The following SORCS3 variants were observed in gnomAD, a reference collection of about 807,000 sequenced individuals.
The protein encoded by SORCS3 is sortilin related VPS10 domain containing receptor 3.
A neutral mutation model predicts 146.3 loss-of-function variants in SORCS3; 57 were observed. That is an observed-to-expected ratio of 0.39 (90% CI 0.31 to 0.49). The LOEUF (loss-of-function observed/expected upper bound fraction) is 0.49. SORCS3 is among the 20% of genes least tolerant of loss of function. The pLI is 0.92. For missense variants in SORCS3, 1,341 were observed against 1,575.5 expected (o/e 0.85, Z 2.52); for synonymous variants, 653 against 618.5 (o/e 1.06, Z -0.83).
At chr10:104,822,297 A>C (rs182303299) in intron 1 of SORCS3, among the ~76,000 whole-genome samples, 9 of 152,304 alleles carry the variant, frequency 5.9e-5, no homozygotes, top group Admixed American at 4.6e-4. Flanking sequence ...TTTCCTTGGC[A>C]AGTTTTCCTG....
At chr10:104,744,241 A>G (rs2016882573) in intron 1 of SORCS3, among the ~76,000 whole-genome samples, 1 of 152,162 alleles carries the variant, frequency 6.6e-6, no homozygotes, top group Non-Finnish European at 1.5e-5. Flanking sequence ...ATGAAGAACA[A>G]AGAACTGACA....
At chr10:105,148,308 A>T (rs150620978) in intron 9 of SORCS3, among the ~76,000 whole-genome samples, 157 of 152,300 alleles carry the variant, frequency 1.0e-3, no homozygotes, top group South Asian at 4.6e-3. Context: ...TATGCAGGGT[A>T]AAAAACTGGC....
At chr10:104,909,684 A>G (rs1478368669) in intron 2 of SORCS3, among the ~76,000 whole-genome samples, 1 of 152,006 alleles carries the variant, frequency 6.6e-6, no homozygotes, top group Non-Finnish European at 1.5e-5. Flanking sequence ...GAGCTGGCAG[A>G]GTGTCTATCT....
chr10:104,853,440 A>G (rs2018295743), intron 2 of SORCS3, among the ~76,000 whole-genome samples: 1 of 152,250 alleles, frequency 6.6e-6, no homozygotes, highest in South Asian at 2.1e-4. Context: ...TTGGAAGGAT[A>G]CTGGAATTGC....
intron 2 of SORCS3, among the ~76,000 whole-genome samples, chr10:104,884,507 G>C (rs949045642): frequency 2.6e-5 from 4 of 152,204 alleles, no homozygotes; most frequent in Non-Finnish European, 5.9e-5. Context: ...AAAGGATGCA[G>C]TCAGCAGACC....
At chr10:104,841,472 G>T (rs975927294) in intron 1 of SORCS3, among the ~76,000 whole-genome samples, 20 of 152,160 alleles carry the variant, frequency 1.3e-4, no homozygotes, top group African/African-American at 4.6e-4. Context: ...TCATCGCAGA[G>T]AAATTGAATA....
chr10:105,029,024 A>G (rs1425154057), intron 4 of SORCS3, among the ~76,000 whole-genome samples: 1 of 152,208 alleles, frequency 6.6e-6, no homozygotes, highest in East Asian at 1.9e-4. Flanking sequence ...GTTCCAATCA[A>G]ACTATCTTTA....
At chr10:105,153,616 G>C (rs933207717) in intron 9 of SORCS3, among the ~76,000 whole-genome samples, 7 of 145,404 alleles carry the variant, frequency 4.8e-5, no homozygotes, top group Non-Finnish European at 7.5e-5. Flanking sequence ...TTGACAGAGA[G>C]AGAGGAGAGA....
rs559307364 is a variant in SORCS3, at chr10:105,062,908, A to T, written c.1028+19780A>T. ...GGAGATGATGGTCTTTTAGGCTCAG[A>T]AATCTACTCTGGTTATATAAGGAGG... On this transcript the variant is annotated intron_variant, in intron 5 of 26. Coordinates refer to ENST00000369701, the MANE Select transcript of SORCS3 (RefSeq NM_014978.3). Among the ~76,000 whole-genome samples, 4 of 152,270 alleles carry T rather than the reference A, an allele frequency of 2.6e-5. No homozygotes were observed. The East Asian group carries it at 7.7e-4, about 29-fold the overall frequency.
chr10:105,178,949 G>C (rs886628570), intron 14 of SORCS3, among the ~76,000 whole-genome samples: 1 of 152,082 alleles, frequency 6.6e-6, no homozygotes, highest in African/African-American at 2.4e-5. Context: ...TCGGTGGAAG[G>C]GTGTATGATC....
intron 1 of SORCS3, among the ~76,000 whole-genome samples, chr10:104,799,352 T>TATATAC (rs2017596919): frequency 1.3e-5 from 2 of 152,188 alleles, no homozygotes; most frequent in South Asian, 2.1e-4. Context: ...CACCATGGAA[T>TATATAC]ACTATGCAGC....
intron 5 of SORCS3, among the ~76,000 whole-genome samples, chr10:105,086,517 T>C (rs946524423): frequency 2.6e-5 from 4 of 152,216 alleles, no homozygotes; most frequent in African/African-American, 9.6e-5. Flanking sequence ...AGATTTTAAC[T>C]AGGTGGAAGG....
At chr10:104,752,738 A>C (rs933357060) in intron 1 of SORCS3, among the ~76,000 whole-genome samples, 1 of 152,214 alleles carries the variant, frequency 6.6e-6, no homozygotes, top group Non-Finnish European at 1.5e-5. Context: ...TTTTATGTTA[A>C]AAACAAAAGA....
At position 105,201,265 on chromosome 10, in the gene SORCS3, G is replaced by A. The variant is rs375887107; in HGVS notation, c.2261+12G>A. ...TGGGACTTCGAGTGGTGAGTTGTTT[G>A]GCATTTCATTACCAATTCCAACCAG... On this transcript the variant is annotated intron_variant, in intron 16 of 26. Transcript: ENST00000369701. The A allele has an allele frequency of 3.1e-6, 5 of 1,600,114 alleles. No individual in the cohort carries two copies. The highest frequency in any genetic ancestry group is 2.7e-5 in the African/African-American group (2 of 74,398).
chr10:105,041,110 GTTCAAGATC>G (rs991777299), intron 4 of SORCS3, among the ~76,000 whole-genome samples: 1 of 146,928 alleles, frequency 6.8e-6, no homozygotes, highest in Admixed American at 6.9e-5. Flanking sequence ...TATAAAATGG[GTTCAAGATC>G]TTTTATTTTC....
At chr10:104,686,455 AG>A (rs1409405971) in intron 1 of SORCS3, among the ~76,000 whole-genome samples, 1 of 152,150 alleles carries the variant, frequency 6.6e-6, no homozygotes, top group African/African-American at 2.4e-5. Flanking sequence ...GGATAAATAA[AG>A]TAACAACCAA....
At chr10:104,792,744 G>A (rs936911562) in intron 1 of SORCS3, among the ~76,000 whole-genome samples, 2 of 151,958 alleles carry the variant, frequency 1.3e-5, no homozygotes, top group African/African-American at 4.8e-5. Context: ...ATTTACGTGG[G>A]TTTACTTTCT....
At chr10:104,762,229 G>A (rs1209612725) in intron 1 of SORCS3, among the ~76,000 whole-genome samples, 1 of 152,122 alleles carries the variant, frequency 6.6e-6, no homozygotes, top group Non-Finnish European at 1.5e-5. Flanking sequence ...ATCTTTTGTG[G>A]CACATGTTGC....
chr10:104,844,193 T>A (rs1367138929), intron 2 of SORCS3, among the ~76,000 whole-genome samples: 1 of 152,170 alleles, frequency 6.6e-6, no homozygotes, highest in African/African-American at 2.4e-5. Context: ...GTAACTAGCA[T>A]GCCTCGAACA....
Sources: allele counts gnomAD v4.1 joint callset (sites outside exome capture counted in the v4.1 genomes callset), GRCh38; gene constraint gnomAD v4.1.1; transcripts MANE v1.5; gene names NCBI Gene and HGNC (gene_info 2026-07-23, HGNC 2026-07-21).